TMCO5A: variants seen among roughly 807,000 people sequenced by gnomAD.
TMCO5A encodes transmembrane and coiled-coil domains 5A.
Under a neutral mutation model 42.3 loss-of-function variants are expected in TMCO5A, and 34 were observed. That is an observed-to-expected ratio of 0.80 (90% CI 0.61 to 1.07). The LOEUF is 1.07. Among genes scored for constraint, TMCO5A ranks in the 50% least tolerant of loss-of-function variants. The pLI is 0.00. For missense variants in TMCO5A, 357 were observed against 327.9 expected (o/e 1.09, Z -0.69); for synonymous variants, 131 against 115.6 (o/e 1.13, Z -0.86).
downstream of TMCO5A, among the ~76,000 whole-genome samples, chr15:37,970,902 A>G (rs1396928095): frequency 6.6e-6 from 1 of 152,220 alleles, no homozygotes; most frequent in Non-Finnish European, 1.5e-5. Flanking sequence ...TTTGCAGGAT[A>G]TAGCCCCCCT....
chr15:37,955,255 T>TAAAA (rs55989832), downstream of TMCO5A, among the ~76,000 whole-genome samples: 138 of 106,230 alleles, frequency 1.3e-3, no homozygotes, highest in African/African-American at 4.6e-3. Context: ...ATTTAAAGAG[T>TAAAA]AAAAAAAAAA....
chr15:37,941,582 A>G, intron 7 of TMCO5A, 89 bp from the exon 8 acceptor site: 1 of 946,048 alleles, frequency 1.1e-6, no homozygotes, highest in South Asian at 1.3e-5. Context: ...AACCACATTT[A>G]GGACCTGGGA....
chr15:38,010,365 A>G, the TMCO5A span, among the ~76,000 whole-genome samples: 437 of 137,320 alleles, frequency 3.2e-3, 2 homozygotes, highest in African/African-American at 0.012. Flanking sequence ...CCTGGGCGAC[A>G]GAGCGAGACT....
the TMCO5A span, among the ~76,000 whole-genome samples, chr15:37,994,053 A>G: frequency 3.3e-5 from 5 of 152,148 alleles, no homozygotes; most frequent in African/African-American, 7.2e-5. Flanking sequence ...AGTTTTATAA[A>G]ATTGGGGAAC....
the TMCO5A span, among the ~76,000 whole-genome samples, chr15:38,015,440 T>G: frequency 6.6e-6 from 1 of 152,210 alleles, no homozygotes; most frequent in Non-Finnish European, 1.5e-5. Context: ...GGAACTGTAT[T>G]CATTGCTGGT....
chr15:38,003,498 A>G, the TMCO5A span, among the ~76,000 whole-genome samples: 1 of 152,160 alleles, frequency 6.6e-6, no homozygotes, highest in Non-Finnish European at 1.5e-5. Flanking sequence ...TCCTTGGCCC[A>G]TGGTGGGTGT....
At chr15:38,010,479 G>A in the TMCO5A span, among the ~76,000 whole-genome samples, 3 of 146,848 alleles carry the variant, frequency 2.0e-5, no homozygotes, top group African/African-American at 7.5e-5. Context: ...TGTGAAGATG[G>A]GGGTAGACAG....
At chr15:37,938,376 T>A (rs1566914310) in intron 6 of TMCO5A, 147 bp downstream of exon 6, 1 of 659,984 alleles carries the variant, frequency 1.5e-6, no homozygotes, top group East Asian at 2.8e-5. Context: ...GAGTGCTGAA[T>A]TCTTCTCTGC....
At chr15:37,940,795 G>C (rs1392613609) in intron 6 of TMCO5A, among the ~76,000 whole-genome samples, 1 of 152,108 alleles carries the variant, frequency 6.6e-6, no homozygotes, top group East Asian at 1.9e-4. Context: ...AGGGAGAAAG[G>C]AGTGAACAAA....
intron 7 of TMCO5A, among the ~76,000 whole-genome samples, 196 bp from the exon 8 acceptor site, chr15:37,941,475 C>T (rs186885511): frequency 6.6e-6 from 1 of 152,104 alleles, no homozygotes; most frequent in Admixed American, 6.6e-5. Flanking sequence ...CAAATTCCAC[C>T]TTTGACCAAT....
At chr15:37,979,087 C>T in the TMCO5A span, among the ~76,000 whole-genome samples, 1 of 152,150 alleles carries the variant, frequency 6.6e-6, no homozygotes, top group East Asian at 1.9e-4. Context: ...CCACCAGGCC[C>T]CACCTCCAAT....
the TMCO5A span, among the ~76,000 whole-genome samples, chr15:38,021,896 A>G: frequency 1.7e-3 from 250 of 146,150 alleles, 2 homozygotes; most frequent in African/African-American, 6.1e-3. Flanking sequence ...TGCAACCTCC[A>G]CCTCCTGGGT....
At chr15:37,977,217 T>C in the TMCO5A span, among the ~76,000 whole-genome samples, 1 of 152,214 alleles carries the variant, frequency 6.6e-6, no homozygotes, top group Non-Finnish European at 1.5e-5. Context: ...ATGTCTGTCA[T>C]TTCAGCCATT....
chr15:37,986,778 C>T, the TMCO5A span, among the ~76,000 whole-genome samples: 24 of 151,918 alleles, frequency 1.6e-4, no homozygotes, highest in South Asian at 4.8e-3. Context: ...TACAAGATTC[C>T]CTTTCTTTTT....
the TMCO5A span, among the ~76,000 whole-genome samples, chr15:38,013,829 T>G: frequency 6.6e-6 from 1 of 152,188 alleles, no homozygotes; most frequent in Admixed American, 6.5e-5. Flanking sequence ...ATATACAAAT[T>G]TATTTTCCTA....
the TMCO5A span, among the ~76,000 whole-genome samples, chr15:37,974,383 T>A: frequency 6.6e-6 from 1 of 152,180 alleles, no homozygotes; most frequent in African/African-American, 2.4e-5. Flanking sequence ...CTTCATCTGA[T>A]CCTGGGCTTT....
chr15:37,999,055 C>A, the TMCO5A span, among the ~76,000 whole-genome samples: 1 of 152,062 alleles, frequency 6.6e-6, no homozygotes, highest in African/African-American at 2.4e-5. Context: ...TACAGGCATG[C>A]GCCACCATGC....
rs372622675 is a variant in TMCO5A at position 37,941,181 on chromosome 15, A to C, written c.420A>C (p.Ala140=). 1.2e-5 allele frequency: 20 copies of C among 1,613,096 alleles called. 1 individual carries two copies. The highest frequency in any genetic ancestry group is 7.7e-5 in the South Asian group (7 of 91,034). The change falls in exon 7 of 12, where the codon GCA becomes GCC. Residue 140 remains alanine (A), a synonymous_variant. Transcript: ENST00000319669. ...VKLQQLEASY[A]CQEKELLKVM... Reference sequence around the variant, plus strand: ...TACAACAGCTGGAAGCTTCCTATGCATGCCAAGAGAAGGAGCTGCTCAAGG... The same window carrying C: ...TACAACAGCTGGAAGCTTCCTATGCCTGCCAAGAGAAGGAGCTGCTCAAGG...
the TMCO5A span, among the ~76,000 whole-genome samples, chr15:38,011,244 G>A: frequency 6.6e-6 from 1 of 152,168 alleles, no homozygotes; most frequent in African/African-American, 2.4e-5. Flanking sequence ...AAGGAACTAA[G>A]GAAGATTCAG....
Sources: gnomAD v4.1 joint callset for allele counts (sites outside exome capture counted in the v4.1 genomes callset) on GRCh38, gnomAD v4.1.1 for gene constraint, MANE v1.5 for transcripts, NCBI Gene and HGNC (gene_info 2026-07-23, HGNC 2026-07-21) for gene names.